Variants in CNTNAP4 observed in about 807,000 individuals in gnomAD.
CNTNAP4 encodes the protein contactin-associated protein-like 4.
In CNTNAP4, 98 loss-of-function variants were observed where a neutral mutation model predicts 148.4. The observed-to-expected ratio is 0.66, with a 90% confidence interval of 0.56 to 0.78. The LOEUF (loss-of-function observed/expected upper bound fraction) is 0.78, where lower values mean the gene tolerates loss of function less well. CNTNAP4 is among the 30% of genes least tolerant of loss of function. The pLI is 0.00. For missense variants in CNTNAP4, 1,935 were observed against 1,565.6 expected (o/e 1.24, Z -3.98); for synonymous variants, 730 against 565.1 (o/e 1.29, Z -4.14).
intron 21 of CNTNAP4, among the ~76,000 whole-genome samples, chr16:76,542,689 C>T (rs2084514865): frequency 6.6e-6 from 1 of 152,138 alleles, no homozygotes; most frequent in Non-Finnish European, 1.5e-5. Flanking sequence ...AGACTCAGCT[C>T]CTTATTCTGT....
intron 3 of CNTNAP4, among the ~76,000 whole-genome samples, chr16:76,375,384 T>G (rs1330544435): frequency 6.6e-6 from 1 of 152,134 alleles, no homozygotes; most frequent in East Asian, 1.9e-4. Context: ...ATCACGACAC[T>G]GCACTCCAGC....
intron 2 of CNTNAP4, among the ~76,000 whole-genome samples, chr16:76,342,473 T>C (rs961397723): frequency 3.5e-4 from 48 of 135,748 alleles, no homozygotes; most frequent in Admixed American, 6.5e-4. Context: ...TTCTTTTTTT[T>C]TTTTTTTTTT....
intron 3 of CNTNAP4, among the ~76,000 whole-genome samples, chr16:76,377,615 G>C (rs896964672): frequency 1.3e-5 from 2 of 152,114 alleles, no homozygotes; most frequent in Non-Finnish European, 2.9e-5. Flanking sequence ...AGTTGCAAGG[G>C]GTGTGAAGAA....
At chr16:76,517,194 G>A (rs1395624481) in intron 15 of CNTNAP4, among the ~76,000 whole-genome samples, 2 of 152,144 alleles carry the variant, frequency 1.3e-5, no homozygotes, top group African/African-American at 4.8e-5. Flanking sequence ...GTTGTGCCAG[G>A]AGGTTAAAGA....
chr16:76,376,656 C>T (rs2015445198), intron 3 of CNTNAP4, among the ~76,000 whole-genome samples: 1 of 152,220 alleles, frequency 6.6e-6, no homozygotes, highest in South Asian at 2.1e-4. Context: ...ATATGGCCTT[C>T]TGCAGCTGTG....
At chr16:76,489,044 T>C (rs1356209975) in intron 12 of CNTNAP4, among the ~76,000 whole-genome samples, 3 of 152,160 alleles carry the variant, frequency 2.0e-5, no homozygotes, top group Non-Finnish European at 4.4e-5. Context: ...GATATCAAAA[T>C]GAGTATTTCA....
intron 4 of CNTNAP4, 147 bp downstream of exon 4, chr16:76,427,746 C>T: frequency 3.2e-6 from 2 of 617,780 alleles, no homozygotes; most frequent in South Asian, 2.7e-5. Flanking sequence ...TTGTGCATGC[C>T]TGTACATGCC....
chr16:76,381,639 CACAAAG>C lies in CNTNAP4; in HGVS notation c.390+26135_390+26140del, dbSNP rs1270426727. 2.0e-5 allele frequency among the ~76,000 whole-genome samples: 3 copies of C among 152,274 alleles called. No homozygotes were observed. In the East Asian group the frequency reaches 5.8e-4, roughly 29 times the overall value. The stretch of plus-strand genomic sequence containing the variant: ...CCCCTCACATTTGTTTAATCACCTT[CACAAAG>C]ACAAAGTGAAGAAACTGTGTAGGGT... On this transcript the variant is annotated intron_variant, in intron 3 of 23. Transcript: ENST00000611870.
intron 3 of CNTNAP4, among the ~76,000 whole-genome samples, chr16:76,423,417 A>C (rs57860753): frequency 6.6e-6 from 1 of 152,106 alleles, no homozygotes; most frequent in Admixed American, 6.6e-5. Context: ...GTTTCTAAAG[A>C]AACACCTCAA....
At chr16:76,517,449 G>A (rs920177593) in intron 15 of CNTNAP4, among the ~76,000 whole-genome samples, 5 of 152,096 alleles carry the variant, frequency 3.3e-5, no homozygotes, top group Admixed American at 2.0e-4. Flanking sequence ...AATTAAATCC[G>A]TATTTCTGGC....
rs143762772 is a variant in CNTNAP4, at chr16:76,332,158, G to A, written c.196+15635G>A. Reference sequence around the variant, plus strand: ...GTCTTTGACTTACAACGGTTTGATTGTAATGTGTCTCAGTGTAGAACTCTT... The same window carrying A: ...GTCTTTGACTTACAACGGTTTGATTATAATGTGTCTCAGTGTAGAACTCTT... On this transcript the variant is annotated intron_variant, in intron 2 of 23. Transcript: ENST00000611870. 3.8e-3 allele frequency among the ~76,000 whole-genome samples: 572 copies of A among 152,232 alleles called. 3 individuals are homozygous for A. The highest frequency in any genetic ancestry group is 0.013 in the African/African-American group (542 of 41,528).
At position 76,535,647 on chromosome 16, in the gene CNTNAP4, A is replaced by G; in HGVS notation, c.2858A>G (p.Glu953Gly). 1.9e-6 allele frequency: 3 copies of G among 1,614,086 alleles called. No homozygotes were observed. Among genetic ancestry groups the G allele is most frequent in the Middle Eastern group, 1.7e-4 (1 of 6,010 alleles). The change falls in exon 18 of 24, where the codon GAA becomes GGA. Residue 953 changes from glutamate (E) to glycine (G), a missense_variant. Glu to Gly is a moderately conservative substitution (Grantham distance 98, BLOSUM62 -2). Transcript: ENST00000611870. ...GAAGAAAGAGCCCAGGTGACTCCAG[A>G]AGTGCAGCCAGGTTGTAGGGGACAT... ...DLEERAQVTP[E>G]VQPGCRGHCS...
At position 76,277,435 on chromosome 16, in the gene CNTNAP4, G is replaced by A; in HGVS notation, c.-228G>A. Reference sequence around the variant, plus strand: ...TGAGGAGTCAGGGAGGTGTGTGTGAGAGAGAGAGAGAAAAGAGAGAGACAG... The same window carrying A: ...TGAGGAGTCAGGGAGGTGTGTGTGAAAGAGAGAGAGAAAAGAGAGAGACAG... On this transcript the variant is annotated 5_prime_UTR_variant, in exon 1 of 24. Coordinates refer to ENST00000611870, the MANE Select transcript of CNTNAP4 (RefSeq NM_033401.5). 1 of 523,362 alleles carries A rather than the reference G, an allele frequency of 1.9e-6. No homozygotes were observed. Among genetic ancestry groups the A allele is most frequent in the Non-Finnish European group, 3.4e-6 (1 of 293,320 alleles). The allele number at this position is 523,362 out of a possible 1,614,324, so 32.4% of individuals were successfully genotyped here.
At chr16:76,495,488 T>G (rs1007672629) in intron 14 of CNTNAP4, among the ~76,000 whole-genome samples, 1 of 152,108 alleles carries the variant, frequency 6.6e-6, no homozygotes, top group Non-Finnish European at 1.5e-5. Context: ...TTGTTTTATA[T>G]TTTTAAAAAG....
At chr16:76,367,401 A>G (rs2014271080) in intron 3 of CNTNAP4, among the ~76,000 whole-genome samples, 2 of 152,318 alleles carry the variant, frequency 1.3e-5, no homozygotes, top group South Asian at 4.1e-4. Context: ...CCCAAATGCC[A>G]TAAAGGAAAA....
intron 15 of CNTNAP4, among the ~76,000 whole-genome samples, chr16:76,511,872 A>T (rs1568455228): frequency 6.8e-6 from 1 of 146,284 alleles, no homozygotes; most frequent in Non-Finnish European, 1.5e-5. Flanking sequence ...ACAATAATCA[A>T]TTGAAATATG....
chr16:76,386,791 G>T (rs910999764), intron 3 of CNTNAP4, among the ~76,000 whole-genome samples: 2 of 152,146 alleles, frequency 1.3e-5, no homozygotes, highest in Admixed American at 6.5e-5. Context: ...TTGTTAATCA[G>T]ATGATCATAG....
intron 3 of CNTNAP4, among the ~76,000 whole-genome samples, chr16:76,380,513 C>T (rs537902844): frequency 6.1e-4 from 92 of 152,012 alleles, no homozygotes; most frequent in African/African-American, 2.1e-3. Flanking sequence ...TATTTTTTTT[C>T]TGCATTTTTC....
At chr16:76,513,860 A>G (rs557418051) in intron 15 of CNTNAP4, among the ~76,000 whole-genome samples, 1 of 152,292 alleles carries the variant, frequency 6.6e-6, no homozygotes, top group East Asian at 1.9e-4. Flanking sequence ...TTGTTAGTAA[A>G]TGGCCAATAA....
Sources: allele counts gnomAD v4.1 joint callset (sites outside exome capture counted in the v4.1 genomes callset), GRCh38; gene constraint gnomAD v4.1.1; transcripts MANE v1.5; gene names NCBI Gene and HGNC (gene_info 2026-07-23, HGNC 2026-07-21).